HERC1: variants seen among roughly 807,000 people sequenced by gnomAD.
The protein encoded by HERC1 is probable E3 ubiquitin-protein ligase HERC1.
HERC1 carries 160 observed loss-of-function variants against 554.3 expected under a neutral mutation model. That is an observed-to-expected ratio of 0.29 (90% CI 0.25 to 0.33). The LOEUF is 0.33. Ranked by LOEUF, HERC1 falls within the 10% of genes least tolerant of loss-of-function variation. The pLI, the probability that HERC1 is intolerant of heterozygous loss-of-function variation, is 1.00. For missense variants in HERC1, 4,919 were observed against 5,918.5 expected (o/e 0.83, Z 5.54); for synonymous variants, 2,175 against 2,131.7 (o/e 1.02, Z -0.56).
chr15:63,819,140 A>G (rs2077597927), intron 1 of HERC1, among the ~76,000 whole-genome samples: 1 of 152,086 alleles, frequency 6.6e-6, no homozygotes, highest in Non-Finnish European at 1.5e-5. Context: ...GAAGACCACT[A>G]CTCATACTCT....
At chr15:63,700,438 C>G (rs2072653977) in intron 25 of HERC1, among the ~76,000 whole-genome samples, 1 of 151,638 alleles carries the variant, frequency 6.6e-6, no homozygotes. Flanking sequence ...ACAGAGAAAA[C>G]AAACTAACAA....
chr15:63,625,221 C>T (rs553555471), intron 71 of HERC1, among the ~76,000 whole-genome samples: 4 of 152,142 alleles, frequency 2.6e-5, no homozygotes, highest in Admixed American at 2.0e-4. Flanking sequence ...TTTATTTCCC[C>T]GACCTCCCTT....
chr15:63,827,302 G>C (rs1401393120), intron 1 of HERC1, among the ~76,000 whole-genome samples: 1 of 152,060 alleles, frequency 6.6e-6, no homozygotes, highest in Non-Finnish European at 1.5e-5. Flanking sequence ...CACACTTGTA[G>C]TCCCAGCTAC....
chr15:63,619,014 C>A (rs1403821005), intron 74 of HERC1, among the ~76,000 whole-genome samples: 2 of 152,032 alleles, frequency 1.3e-5, no homozygotes, highest in Admixed American at 6.5e-5. Flanking sequence ...TTGCCCTGGC[C>A]AGAACTTCCA....
intron 1 of HERC1, among the ~76,000 whole-genome samples, chr15:63,794,158 T>C (rs2076738232): frequency 2.0e-5 from 3 of 152,158 alleles, no homozygotes; most frequent in Admixed American, 2.0e-4. Flanking sequence ...ATCATCAACA[T>C]ATAACCATAA....
rs974692914 is a variant in HERC1, at chr15:63,617,950, T to A, written c.13689-1268A>T. ...GTTGCAAAAATTTTCTCCCATTCTGTGGGTCGCCTGTTCACTCTGATGGTA... is the reference window on the plus strand; with the variant it reads ...GTTGCAAAAATTTTCTCCCATTCTGAGGGTCGCCTGTTCACTCTGATGGTA... On this transcript the variant is annotated intron_variant, in intron 74 of 77. Coordinates refer to ENST00000443617, the MANE Select transcript of HERC1 (RefSeq NM_003922.4). Among the ~76,000 whole-genome samples the A allele has an allele frequency of 5.5e-3, 831 of 152,290 alleles. 5 individuals are homozygous for A. Among genetic ancestry groups the A allele is most frequent in the African/African-American group, 0.018 (768 of 41,560 alleles).
rs547544753 is a variant in HERC1, at chr15:63,622,665, AAT to A, written c.13688+148_13688+149del. The A allele has an allele frequency of 6.0e-3, 3,131 of 519,194 alleles. 11 individuals are homozygous for A. The highest frequency in any genetic ancestry group is 9.5e-3 in the Middle Eastern group (19 of 1,998). 32.2% of individuals were successfully genotyped at this position (519,194 alleles called of 1,614,324 possible). ...TCATCTTTGACAAGAGGATAACAAC[AAT>A]ATTTACTCCTTAGGGTTACAATGAG... On this transcript the variant is annotated intron_variant, in intron 74 of 77. Transcript: ENST00000443617.
Position 63,775,185 on chromosome 15 carries a change from T to C in HERC1, c.439A>G (p.Ser147Gly), listed in dbSNP as rs372318960. The change falls in exon 2 of 78, where the codon AGT becomes GGT. Residue 147 changes from serine to glycine, a missense_variant. Coordinates refer to ENST00000443617, the MANE Select transcript of HERC1 (RefSeq NM_003922.4). The surrounding 1 kb of genome is among the most constrained non-coding windows in gnomAD (Gnocchi z 4.0). ...TCAGTGCTTGACCGGGGGCGTTCAC[T>C]AACAGAATGGACATCTGCTGAACCA... ...SSGSADVHSVSERPRSSTDAL... is the reference protein window; with the variant it reads ...SSGSADVHSVGERPRSSTDAL... 49 of 1,613,914 alleles carry C rather than the reference T, an allele frequency of 3.0e-5. No homozygotes were observed. Among genetic ancestry groups the C allele is most frequent in the Non-Finnish European group, 4.0e-5 (47 of 1,179,902 alleles).
At position 63,775,234 on chromosome 15, in the gene HERC1, C is replaced by T. The variant is rs761988716; in HGVS notation, c.390G>A (p.Gln130=). ...CAGAACTGCTCTCCGGAGAATGCTGCTGCTGCTTCACCTTGCCTTTGTCAT... is the reference window on the plus strand; with the variant it reads ...CAGAACTGCTCTCCGGAGAATGCTGTTGCTGCTTCACCTTGCCTTTGTCAT... The part of the protein sequence containing the change: ...KYHDKGKVKQ[Q]QHSPESSSGS... The change falls in exon 2 of 78, where the codon CAG becomes CAA. Residue 130 remains glutamine, a synonymous_variant. Coordinates refer to ENST00000443617, the MANE Select transcript of HERC1 (RefSeq NM_003922.4). This position sits in a 1 kb window ranked among gnomAD's most constrained non-coding sequence, Gnocchi z 4.0. 3.1e-6 allele frequency: 5 copies of T among 1,614,042 alleles called. No individual in the cohort carries two copies. Among genetic ancestry groups the T allele is most frequent in the Middle Eastern group, 1.6e-4 (1 of 6,062 alleles).
intron 34 of HERC1, among the ~76,000 whole-genome samples, chr15:63,682,818 A>T (rs12915304): frequency 6.6e-6 from 1 of 151,588 alleles, no homozygotes; most frequent in African/African-American, 2.4e-5. Flanking sequence ...TGGCAACTAC[A>T]TCTGGATGTA....
At chr15:63,782,645 T>C (rs1208059721) in intron 1 of HERC1, among the ~76,000 whole-genome samples, 1 of 152,244 alleles carries the variant, frequency 6.6e-6, no homozygotes, top group African/African-American at 2.4e-5. Flanking sequence ...TTTCAAGTCT[T>C]AGTATTTAAG....
Position 63,612,239 on chromosome 15 carries a change from T to A in HERC1, c.14400+12A>T, listed in dbSNP as rs560176021. 6.3e-7 allele frequency: 1 copy of A among 1,585,420 alleles called. No homozygotes were observed. The highest frequency in any genetic ancestry group is 1.7e-5 in the Admixed American group (1 of 57,546). ...GCAGACATTACAAAGGAAAAAAGAA[T>A]AGCTTACTTACCCTATCAACCTTCA... On this transcript the variant is annotated intron_variant, in intron 77 of 77. Transcript: ENST00000443617. The surrounding 1 kb of genome is among the most constrained non-coding windows in gnomAD (Gnocchi z 5.0).
intron 42 of HERC1, among the ~76,000 whole-genome samples, chr15:63,665,389 C>T (rs544245952): frequency 6.6e-6 from 1 of 152,112 alleles, no homozygotes; most frequent in South Asian, 2.1e-4. Flanking sequence ...AAAAATGAGC[C>T]GGGCATGGTG....
intron 46 of HERC1, among the ~76,000 whole-genome samples, chr15:63,660,156 C>T (rs994143951): frequency 3.3e-5 from 5 of 151,698 alleles, no homozygotes; most frequent in African/African-American, 1.2e-4. Context: ...CCATCCCCAC[C>T]AAAAAATACA....
rs1264227524 is a variant in HERC1, at chr15:63,786,789, T to C, written c.-26-11140A>G. On this transcript the variant is annotated intron_variant, in intron 1 of 77. Coordinates refer to ENST00000443617, the MANE Select transcript of HERC1 (RefSeq NM_003922.4). ...TGGAGAAACTGGTAAGATTTTACTTTGGAATTATGAAAATGTTTTGGAACT... is the reference window on the plus strand; with the variant it reads ...TGGAGAAACTGGTAAGATTTTACTTCGGAATTATGAAAATGTTTTGGAACT... 2.6e-5 allele frequency among the ~76,000 whole-genome samples: 4 copies of C among 152,336 alleles called. No individual in the cohort carries two copies. In the East Asian group the frequency reaches 7.7e-4, roughly 29 times the overall value.
intron 1 of HERC1, among the ~76,000 whole-genome samples, chr15:63,787,383 C>T (rs1049318862): frequency 4.6e-5 from 7 of 152,090 alleles, no homozygotes; most frequent in African/African-American, 1.7e-4. Context: ...TCTCAAACGC[C>T]TGACCTCAGG....
intron 1 of HERC1, among the ~76,000 whole-genome samples, chr15:63,793,644 T>C (rs1192619065): frequency 1.3e-5 from 2 of 152,232 alleles, no homozygotes; most frequent in Non-Finnish European, 2.9e-5. Context: ...TTTATTCCTT[T>C]ACTTTCTTAA....
chr15:63,774,674 T>C lies in HERC1; in HGVS notation c.930+20A>G, dbSNP rs756077703. On this transcript the variant is annotated intron_variant, in intron 2 of 77. Transcript: ENST00000443617. ...CCAAAAACTATTATGAACTTTAAAG[T>C]TGAGACTTATAGTACGTACCAAAGA... is the stretch of plus-strand genomic sequence containing the variant. 3.9e-6 allele frequency: 6 copies of C among 1,532,516 alleles called. No homozygotes were observed. The highest frequency in any genetic ancestry group is 5.3e-6 in the Non-Finnish European group (6 of 1,136,940). The allele number at this position is 1,532,516 out of a possible 1,614,324, so 94.9% of individuals were successfully genotyped here.
intron 74 of HERC1, among the ~76,000 whole-genome samples, chr15:63,620,944 TC>T (rs1202189395): frequency 6.6e-6 from 1 of 152,228 alleles, no homozygotes; most frequent in Non-Finnish European, 1.5e-5. Flanking sequence ...TGACTCTTTA[TC>T]CAATTTGCCA....
Sources: allele counts gnomAD v4.1 joint callset (sites outside exome capture counted in the v4.1 genomes callset), GRCh38; gene constraint gnomAD v4.1.1; non-coding constraint Gnocchi (gnomAD v3.1); transcripts MANE v1.5; gene names NCBI Gene and HGNC (gene_info 2026-07-23, HGNC 2026-07-21).